The following ALPG variants were observed in gnomAD, a reference collection of about 807,000 sequenced individuals.
ALPG encodes alkaline phosphatase, germ cell, also known as alkaline phosphatase, germ cell type.
ALPG carries 32 observed loss-of-function variants against 48.6 expected under a neutral mutation model. The ratio of observed to expected loss-of-function variants is 0.66; its 90% CI spans 0.50 to 0.88. The LOEUF (loss-of-function observed/expected upper bound fraction) is 0.88. ALPG is among the 40% of genes least tolerant of loss of function. ALPG has a pLI of 0.00. For missense variants in ALPG, 533 were observed against 718.1 expected (o/e 0.74, Z 2.95); for synonymous variants, 244 against 308.9 (o/e 0.79, Z 2.20).
chr2:232,408,690 C>G lies in ALPG; in HGVS notation c.857-14C>G, dbSNP rs374718772. 15 of 1,475,612 alleles carry G rather than the reference C, an allele frequency of 1.0e-5. 3 individuals are homozygous for G. Among genetic ancestry groups the G allele is most frequent in the Non-Finnish European group, 1.1e-5 (12 of 1,076,408 alleles). 91.4% of individuals were successfully genotyped at this position (1,475,612 alleles called of 1,614,324 possible). On this transcript the variant is annotated splice_polypyrimidine_tract_variant and intron_variant, in intron 7 of 10. Coordinates refer to ENST00000295453, the MANE Select transcript of ALPG (RefSeq NM_031313.3). ...CCCAGCCTGCCAGTCACCACAGGAC[C>G]CCTTGTCCCACAGGTCTCTTTGAGC...
At position 232,409,782 on chromosome 2, in the gene ALPG, CGCCGCGCACCCGGG is replaced by C; in HGVS notation, c.1514_1527del (p.Ala505ValfsTer125). On this transcript the variant is annotated frameshift_variant, in exon 11 of 11. Transcript: ENST00000295453. LOFTEE classifies it low-confidence loss of function (END_TRUNC). ...TGGCGCCCCGCGCCGGCACCACCGACGCCGCGCACCCGGGGCCGTCCGTGGTCCCCGCGTTGCTT... is the reference window on the plus strand; with the variant it reads ...TGGCGCCCCGCGCCGGCACCACCGACGCCGTCCGTGGTCCCCGCGTTGCTT... 3.1e-6 allele frequency: 5 copies of C among 1,603,204 alleles called. No homozygotes were observed. Among genetic ancestry groups the C allele is most frequent in the Non-Finnish European group, 4.3e-6 (5 of 1,175,760 alleles).
Position 232,408,323 on chromosome 2 carries a change from G to T in ALPG, c.705G>T (p.Glu235Asp). Residue 235 changes from glutamate (E) to aspartate (D), a missense_variant, in exon 6 of 11, where the codon GAG becomes GAT. Glu to Asp is a conservative substitution (Grantham distance 45). Around this residue, in one of 6 missense-constraint regions of ALPG, gnomAD observed 40 missense variants for 74.5 expected, o/e 0.54. Coordinates refer to ENST00000295453, the MANE Select transcript of ALPG (RefSeq NM_031313.3). ...TTCCCATGGGGACCCCAGACCCTGAGTACCCAGATGACTACAGCCAAGGTG... is the reference window on the plus strand; with the variant it reads ...TTCCCATGGGGACCCCAGACCCTGATTACCCAGATGACTACAGCCAAGGTG... ...YMFPMGTPDP[E>D]YPDDYSQGGT... 1 of 1,613,292 alleles carries T rather than the reference G, an allele frequency of 6.2e-7. No homozygotes were observed.
rs747056715 is a variant in ALPG, at chr2:232,407,874, C to T, written c.505C>T (p.Arg169Trp). The T allele has an allele frequency of 9.3e-6, 15 of 1,613,504 alleles. No individual in the cohort carries two copies. The highest frequency in any genetic ancestry group is 2.7e-5 in the African/African-American group (2 of 75,066). Residue 169 changes from arginine (R) to tryptophan (W), a missense_variant, in exon 5 of 11, where the codon CGG (arginine) becomes TGG (tryptophan). By Grantham distance (101) the Arg-to-Trp change is moderately radical (BLOSUM62 -3). Transcript: ENST00000295453. ...GTCAGTGGGAGTGGTAACCACCACA[C>T]GGGTGCAGCATGCCTCGCCAGCCGG... The part of the protein sequence containing the change: ...GKSVGVVTTT[R>W]VQHASPAGAY...
Position 232,410,037 on chromosome 2 carries a change from T to A in ALPG, c.*165T>A, listed in dbSNP as rs1697162444. On this transcript the variant is annotated 3_prime_UTR_variant, in exon 11 of 11. Transcript: ENST00000295453. ...CCGGTGCACCCTGGGGACCGAGCCCTTGACACCACGCCCTTTGCTTTATCT... is the reference window on the plus strand; with the variant it reads ...CCGGTGCACCCTGGGGACCGAGCCCATGACACCACGCCCTTTGCTTTATCT... 1 of 1,091,680 alleles carries A rather than the reference T, an allele frequency of 9.2e-7. No homozygotes were observed. The allele number at this position is 1,091,680 out of a possible 1,614,324, so 67.6% of individuals were successfully genotyped here. A position where few individuals can be genotyped will look rare whatever the true frequency, so the allele number is the denominator to read the frequency against.
intron 2 of ALPG, 38 bp downstream of exon 2, chr2:232,407,211 A>G: frequency 6.2e-7 from 1 of 1,613,916 alleles, no homozygotes; most frequent in Non-Finnish European, 8.5e-7. Context: ...CAGCCCTCAC[A>G]GCCCCGGCGC....
rs1221253137 is a variant in ALPG, at chr2:232,406,903, G to A, written c.9G>A (p.Gly3=). MQ[G]PWVLLLLGLR... The stretch of plus-strand genomic sequence containing the variant: ...TCCGACTGCTTCCAGACATGCAGGG[G>A]CCCTGGGTGCTGCTCCTGCTGGGCC... Residue 3 remains glycine (G), a synonymous_variant, in exon 1 of 11, where the codon GGG becomes GGA. Transcript: ENST00000295453. The A allele has an allele frequency of 6.2e-7, 1 of 1,612,312 alleles. No individual in the cohort carries two copies. Among genetic ancestry groups the A allele is most frequent in the Non-Finnish European group, 8.5e-7 (1 of 1,179,620 alleles).
chr2:232,410,401 G>GA lies in ALPG; in HGVS notation c.*529_*530insA. 2 of 172,514 alleles carry GA rather than the reference G, an allele frequency of 1.2e-5. No homozygotes were observed. Among genetic ancestry groups the GA allele is most frequent in the Non-Finnish European group, 2.4e-5 (2 of 81,824 alleles). 10.7% of individuals were successfully genotyped at this position (172,514 alleles called of 1,614,324 possible). A position where few individuals can be genotyped will look rare whatever the true frequency, so the allele number is the denominator to read the frequency against. On this transcript the variant is annotated 3_prime_UTR_variant, in exon 11 of 11. Transcript: ENST00000295453. ...GGGGGCTTTGACACAGTCCTCTGCTGTCCCTCCACTGGGCTAATTCTACAC... is the reference window on the plus strand; with the variant it reads ...GGGGGCTTTGACACAGTCCTCTGCTGATCCCTCCACTGGGCTAATTCTACAC...
rs757454236 is a variant in ALPG, at chr2:232,407,128, C to G, written c.139C>G (p.Pro47Ala). 3 of 1,613,996 alleles carry G rather than the reference C, an allele frequency of 1.9e-6. No homozygotes were observed. The highest frequency in any genetic ancestry group is 2.5e-6 in the Non-Finnish European group (3 of 1,180,022). Residue 47 changes from proline to alanine, a missense_variant, in exon 2 of 11, where the codon CCT becomes GCT. Physicochemically the swap from Pro to Ala is conservative, Grantham distance 27. Coordinates refer to ENST00000295453, the MANE Select transcript of ALPG (RefSeq NM_031313.3). ...CCTGGGTGCCGCCAAGAAGCTGCAGCCTGCACAGACAGCCGCCAAGAACCT... is the reference window on the plus strand; with the variant it reads ...CCTGGGTGCCGCCAAGAAGCTGCAGGCTGCACAGACAGCCGCCAAGAACCT... Reference protein sequence around the residue: ...EALGAAKKLQPAQTAAKNLII... With the variant: ...EALGAAKKLQAAQTAAKNLII...
chr2:232,408,927 GC>G lies in ALPG; in HGVS notation c.999del (p.Ile334SerfsTer14). 1 of 976,714 alleles carries G rather than the reference GC, an allele frequency of 1.0e-6. No homozygotes were observed. Among genetic ancestry groups the G allele is most frequent in the Non-Finnish European group, 1.5e-6 (1 of 679,822 alleles). The allele number at this position is 976,714 out of a possible 1,614,324, so 60.5% of individuals were successfully genotyped here. ...RGFFLFVEGG[R>X]IDHGHHESRA... ...CCCTCTGGCCTTCCTGCAGGTGGTC[GC>G]ATCGACCATGGTCATCATGAAAGCA... is the stretch of plus-strand genomic sequence containing the variant. On this transcript the variant is annotated frameshift_variant, in exon 9 of 11. Coordinates refer to ENST00000295453, the MANE Select transcript of ALPG (RefSeq NM_031313.3). LOFTEE classifies it high-confidence loss of function.
Position 232,410,343 on chromosome 2 carries a change from A to G in ALPG, c.*471A>G, listed in dbSNP as rs1363046825. 1.1e-5 allele frequency: 2 copies of G among 189,516 alleles called. No homozygotes were observed. The highest frequency in any genetic ancestry group is 1.1e-5 in the Non-Finnish European group (1 of 92,860). The allele number at this position is 189,516 out of a possible 1,614,324, so 11.7% of individuals were successfully genotyped here. A position where few individuals can be genotyped will look rare whatever the true frequency, so the allele number is the denominator to read the frequency against. The stretch of plus-strand genomic sequence containing the variant: ...CTGCCACCCTGCAACCCACCCTCCC[A>G]GCCAAGGAGGCTGCTGTGGTGGGGA... On this transcript the variant is annotated 3_prime_UTR_variant, in exon 11 of 11. Coordinates refer to ENST00000295453, the MANE Select transcript of ALPG (RefSeq NM_031313.3).
At position 232,408,474 on chromosome 2, in the gene ALPG, G is replaced by A. The variant is rs372534510; in HGVS notation, c.784-27G>A. 3.3e-5 allele frequency: 52 copies of A among 1,587,762 alleles called. 2 individuals carry two copies. The highest frequency in any genetic ancestry group is 4.2e-5 in the African/African-American group (3 of 71,822). On this transcript the variant is annotated intron_variant, in intron 6 of 10. Coordinates refer to ENST00000295453, the MANE Select transcript of ALPG (RefSeq NM_031313.3). ...GGTGTGGGGCTCGGGGCTGTGGGCTGAGGCCTGGCTCTCTCCCTCCCCGCA... is the reference window on the plus strand; with the variant it reads ...GGTGTGGGGCTCGGGGCTGTGGGCTAAGGCCTGGCTCTCTCCCTCCCCGCA...
Position 232,407,056 on chromosome 2 carries a change from G to C in ALPG, c.68-1G>C, listed in dbSNP as rs201675300. 4.9e-5 allele frequency: 79 copies of C among 1,613,814 alleles called. No homozygotes were observed. The highest frequency in any genetic ancestry group is 1.7e-4 in the Middle Eastern group (1 of 6,034). ...CTGATCTTTGCTCTCCCCCTGGCCAGTTGAGGAGGAGAACCCGGACTTCTG... is the reference window on the plus strand; with the variant it reads ...CTGATCTTTGCTCTCCCCCTGGCCACTTGAGGAGGAGAACCCGGACTTCTG... On this transcript the variant is annotated splice_acceptor_variant, in intron 1 of 10. Transcript: ENST00000295453. LOFTEE classifies it high-confidence loss of function.
rs1697166747 is a variant in ALPG, at chr2:232,410,373, C to T, written c.*501C>T. 5.3e-6 allele frequency: 1 copy of T among 187,784 alleles called. No individual in the cohort carries two copies. The highest frequency in any genetic ancestry group is 5.5e-5 in the Admixed American group (1 of 18,074). The allele number at this position is 187,784 out of a possible 1,614,324, so 11.6% of individuals were successfully genotyped here. On this transcript the variant is annotated 3_prime_UTR_variant, in exon 11 of 11. Coordinates refer to ENST00000295453, the MANE Select transcript of ALPG (RefSeq NM_031313.3). The stretch of plus-strand genomic sequence containing the variant: ...AGGAGGCTGCTGTGGTGGGGATCCC[C>T]AGGGGGGCTTTGACACAGTCCTCTG...
At position 232,407,551 on chromosome 2, in the gene ALPG, T is replaced by G. The variant is rs1317550625; in HGVS notation, c.301-43T>G. 1.2e-5 allele frequency: 20 copies of G among 1,611,644 alleles called. No individual in the cohort carries two copies. In the East Asian group the frequency reaches 3.3e-4, roughly 27 times the overall value. ...CCAGAGGACAGAGATCAGGGTCTTG[T>G]TTGTCTGCCCCAGAGAAGAGCTCAG... On this transcript the variant is annotated intron_variant, in intron 3 of 10. Coordinates refer to ENST00000295453, the MANE Select transcript of ALPG (RefSeq NM_031313.3).
chr2:232,409,997 T>C lies in ALPG; in HGVS notation c.*125T>C. On this transcript the variant is annotated 3_prime_UTR_variant, in exon 11 of 11. Transcript: ENST00000295453. The stretch of plus-strand genomic sequence containing the variant: ...GAGTCGCCACACAGACGTCCTGCCA[T>C]GGAACCTTCCCCTCCCGGTGCACCC... 2.9e-6 allele frequency: 4 copies of C among 1,377,756 alleles called. No individual in the cohort carries two copies. The highest frequency in any genetic ancestry group is 3.8e-6 in the Non-Finnish European group (4 of 1,045,514). 85.3% of individuals were successfully genotyped at this position (1,377,756 alleles called of 1,614,324 possible). A position where few individuals can be genotyped will look rare whatever the true frequency, so the allele number is the denominator to read the frequency against.
chr2:232,407,926 A>T lies in ALPG; in HGVS notation c.557A>T (p.Asn186Ile). The T allele has an allele frequency of 6.2e-7, 1 of 1,613,440 alleles. No homozygotes were observed. Among genetic ancestry groups the T allele is most frequent in the Non-Finnish European group, 8.5e-7 (1 of 1,180,004 alleles). The change falls in exon 5 of 11, where the codon AAC becomes ATC. Residue 186 changes from asparagine to isoleucine, a missense_variant. Coordinates refer to ENST00000295453, the MANE Select transcript of ALPG (RefSeq NM_031313.3). ...GCCTACGCCCACACGGTGAACCGCA[A>T]CTGGTACTCGGATGCCGACGTGCCT... ...AGAYAHTVNR[N>I]WYSDADVPAS...
chr2:232,407,087 G>C lies in ALPG; in HGVS notation c.98G>C (p.Arg33Pro), dbSNP rs776010626. The C allele has an allele frequency of 2.5e-6, 4 of 1,613,754 alleles. No individual in the cohort carries two copies. The highest frequency in any genetic ancestry group is 1.7e-5 in the Admixed American group (1 of 60,000). ...GAGGAGAACCCGGACTTCTGGAACC[G>C]CCAGGCAGCCGAGGCCCTGGGTGCC... ...VEEENPDFWN[R>P]QAAEALGAAK... Residue 33 changes from arginine (R) to proline (P), a missense_variant, in exon 2 of 11, where the codon CGC becomes CCC. By Grantham distance (103) the Arg-to-Pro change is moderately radical. This residue lies in a region of ALPG where 315 missense variants were observed against 305.8 expected (regional missense o/e 1.03). Coordinates refer to ENST00000295453, the MANE Select transcript of ALPG (RefSeq NM_031313.3).
At chr2:232,407,563 AG>A (rs1458940894) in intron 3 of ALPG, 30 bp from the exon 4 acceptor site, 1 of 1,612,852 alleles carries the variant, frequency 6.2e-7, no homozygotes, top group African/African-American at 1.3e-5. Context: ...TGTCTGCCCC[AG>A]AGAAGAGCTC....
chr2:232,409,985 G>C lies in ALPG; in HGVS notation c.*113G>C, dbSNP rs1697161302. 1 of 1,417,830 alleles carries C rather than the reference G, an allele frequency of 7.1e-7. No individual in the cohort carries two copies. Among genetic ancestry groups the C allele is most frequent in the African/African-American group, 1.4e-5 (1 of 69,416 alleles). The allele number at this position is 1,417,830 out of a possible 1,614,324, so 87.8% of individuals were successfully genotyped here. A position where few individuals can be genotyped will look rare whatever the true frequency, so the allele number is the denominator to read the frequency against. ...CTGTCACCCCCGGAGTCGCCACACA[G>C]ACGTCCTGCCATGGAACCTTCCCCT... On this transcript the variant is annotated 3_prime_UTR_variant, in exon 11 of 11. Coordinates refer to ENST00000295453, the MANE Select transcript of ALPG (RefSeq NM_031313.3).
Sources: gnomAD v4.1 joint callset for allele counts on GRCh38, gnomAD v4.1.1 for gene constraint, gnomAD v4.1.1 regional missense constraint, MANE v1.5 for transcripts, NCBI Gene and HGNC (gene_info 2026-07-23, HGNC 2026-07-21) for gene names.